FKBP9: variants seen among roughly 807,000 people sequenced by gnomAD.
The protein encoded by FKBP9 is peptidyl-prolyl cis-trans isomerase FKBP9.
A neutral mutation model predicts 55.6 loss-of-function variants in FKBP9; 27 were observed. The ratio of observed to expected loss-of-function variants is 0.49; its 90% CI spans 0.36 to 0.67. The LOEUF is 0.67. FKBP9 is among the 30% of genes least tolerant of loss of function. The pLI, the probability that FKBP9 is intolerant of heterozygous loss-of-function variation, is 0.00. For missense variants in FKBP9, 539 were observed against 742.8 expected (o/e 0.73, Z 3.19); for synonymous variants, 267 against 296.5 (o/e 0.90, Z 1.02).
At chr7:32,974,025 A>AT (rs1784307539) in intron 1 of FKBP9, among the ~76,000 whole-genome samples, 1 of 151,356 alleles carries the variant, frequency 6.6e-6, no homozygotes, top group South Asian at 2.1e-4. Flanking sequence ...ATTTTATTTT[A>AT]TTTTTTGAGA....
At chr7:32,992,155 G>C (rs1391196990) in intron 6 of FKBP9, among the ~76,000 whole-genome samples, 1 of 152,060 alleles carries the variant, frequency 6.6e-6, no homozygotes. Flanking sequence ...GGAGAACCGA[G>C]ACCTCAAACC....
At position 33,006,674 on chromosome 7, in the gene FKBP9, A is replaced by G. The variant is rs899358402; in HGVS notation, c.*1323A>G. ...AGAGGCCAGCTGCCGCAAGACAGCA[A>G]TGACAGTCCACCTGCCGACCTGATT... On this transcript the variant is annotated 3_prime_UTR_variant, in exon 10 of 10. Transcript: ENST00000242209. 9.2e-6 allele frequency: 2 copies of G among 217,138 alleles called. No homozygotes were observed. The highest frequency in any genetic ancestry group is 1.3e-4 in the East Asian group (2 of 14,944). 13.5% of individuals were successfully genotyped at this position (217,138 alleles called of 1,614,324 possible).
chr7:32,989,625 TG>T (rs1240455708), intron 6 of FKBP9, among the ~76,000 whole-genome samples: 2 of 152,142 alleles, frequency 1.3e-5, no homozygotes, highest in Non-Finnish European at 2.9e-5. Flanking sequence ...TTCACTATGT[TG>T]GCCAGGCTAG....
At chr7:32,958,967 C>CT (rs1223345328) in intron 1 of FKBP9, among the ~76,000 whole-genome samples, 1 of 152,130 alleles carries the variant, frequency 6.6e-6, no homozygotes, top group Non-Finnish European at 1.5e-5. Context: ...GCCCCAAGGC[C>CT]TAGGGTCATT....
chr7:32,990,330 T>C (rs1195753346), intron 6 of FKBP9, among the ~76,000 whole-genome samples: 5 of 152,168 alleles, frequency 3.3e-5, no homozygotes, highest in Non-Finnish European at 5.9e-5. Context: ...GGAATGAAGG[T>C]GGCCCCGAGA....
intron 1 of FKBP9, among the ~76,000 whole-genome samples, chr7:32,965,783 G>A (rs1423213041): frequency 5.6e-5 from 6 of 107,022 alleles, no homozygotes; most frequent in African/African-American, 1.9e-4. Flanking sequence ...GGGCAACAGA[G>A]CGAGACTCCA....
At chr7:32,968,719 T>C (rs191227870) in intron 1 of FKBP9, among the ~76,000 whole-genome samples, 1 of 152,178 alleles carries the variant, frequency 6.6e-6, no homozygotes, top group African/African-American at 2.4e-5. Flanking sequence ...ACTACAGGCA[T>C]ATGCCACCAT....
chr7:32,957,591 G>C lies in FKBP9; in HGVS notation c.18G>C (p.Trp6Cys). The C allele has an allele frequency of 6.8e-7, 1 of 1,472,776 alleles. No individual in the cohort carries two copies. The highest frequency in any genetic ancestry group is 8.9e-7 in the Non-Finnish European group (1 of 1,121,082). The allele number at this position is 1,472,776 out of a possible 1,614,324, so 91.2% of individuals were successfully genotyped here. A position where few individuals can be genotyped will look rare whatever the true frequency, so the allele number is the denominator to read the frequency against. Residue 6 changes from tryptophan (W) to cysteine (C), a missense_variant, in exon 1 of 10, where the codon TGG (tryptophan) becomes TGC (cysteine). Trp to Cys is a radical substitution (Grantham distance 215, BLOSUM62 -2). Around this residue, in one of 4 missense-constraint regions of FKBP9, gnomAD observed 236 missense variants for 271.5 expected, o/e 0.87. Coordinates refer to ENST00000242209, the MANE Select transcript of FKBP9 (RefSeq NM_007270.5). MAFRG[W>C]RPPPPPLLLL... is the part of the protein sequence containing the mutation. ...CCGCCCCGATGGCGTTCCGGGGCTG[G>C]AGGCCCCCGCCGCCACCGCTGCTCC...
In FKBP9 at chr7:32,957,444, C is replaced by G. The variant is rs542003275; in HGVS notation, c.-130C>G. 2.8e-3 allele frequency: 1,728 copies of G among 627,848 alleles called. 23 individuals are homozygous for G. The African/African-American group carries it at 0.028, about 10-fold the overall frequency. 38.9% of individuals were successfully genotyped at this position (627,848 alleles called of 1,614,324 possible). A position where few individuals can be genotyped will look rare whatever the true frequency, so the allele number is the denominator to read the frequency against. The stretch of plus-strand genomic sequence containing the variant: ...CCGGGAGGGCGGGCGGCCGGGGAGA[C>G]GGGGTGGCGGCTGCAGCCCGGGTAG... On this transcript the variant is annotated 5_prime_UTR_variant, in exon 1 of 10. Coordinates refer to ENST00000242209, the MANE Select transcript of FKBP9 (RefSeq NM_007270.5).
At chr7:33,003,573 A>G (rs1019802854) in intron 9 of FKBP9, among the ~76,000 whole-genome samples, 1 of 151,934 alleles carries the variant, frequency 6.6e-6, no homozygotes, top group Non-Finnish European at 1.5e-5. Flanking sequence ...TTGTCCCTCT[A>G]TGCCTCTGAG....
intron 5 of FKBP9, among the ~76,000 whole-genome samples, chr7:32,985,178 CT>C (rs1444286814): frequency 3.1e-3 from 344 of 111,432 alleles, no homozygotes; most frequent in African/African-American, 4.8e-3. Context: ...TTCTTTCTTT[CT>C]TTTTTTTTTT....
chr7:32,969,966 C>G (rs756413614), intron 1 of FKBP9, among the ~76,000 whole-genome samples: 1 of 151,866 alleles, frequency 6.6e-6, no homozygotes, highest in Middle Eastern at 3.2e-3. Context: ...CACCACTGCA[C>G]TCTAGCCTGG....
At chr7:32,976,197 G>T (rs1242316393) in intron 3 of FKBP9, among the ~76,000 whole-genome samples, 157 bp from the exon 4 acceptor site, 1 of 152,202 alleles carries the variant, frequency 6.6e-6, no homozygotes, top group Non-Finnish European at 1.5e-5. Context: ...GAGGACATCT[G>T]CCCTGTGTTT....
At chr7:32,991,915 T>A (rs1026841115) in intron 6 of FKBP9, among the ~76,000 whole-genome samples, 2 of 151,990 alleles carry the variant, frequency 1.3e-5, no homozygotes, top group African/African-American at 4.8e-5. Flanking sequence ...TGTCTGGGAC[T>A]TCTTGCACAT....
rs1318439623 is a variant in FKBP9, at chr7:32,975,678, G to A, written c.557+307G>A. Among the ~76,000 whole-genome samples, 4 of 146,704 alleles carry A rather than the reference G, an allele frequency of 2.7e-5. No individual in the cohort carries two copies. In the East Asian group the frequency reaches 6.0e-4, roughly 22 times the overall value. On this transcript the variant is annotated intron_variant, in intron 3 of 9. Coordinates refer to ENST00000242209, the MANE Select transcript of FKBP9 (RefSeq NM_007270.5). ...TTTTTTTTTTTTGAGATGGATTCTC[G>A]CCCTGTCACCCAGGCTGGAGTACAG...
At chr7:32,961,576 A>G (rs1327978764) in intron 1 of FKBP9, among the ~76,000 whole-genome samples, 1 of 152,154 alleles carries the variant, frequency 6.6e-6, no homozygotes, top group African/African-American at 2.4e-5. Flanking sequence ...GGGGTCCCTA[A>G]CCCCTGAGCC....
intron 3 of FKBP9, among the ~76,000 whole-genome samples, chr7:32,976,106 G>A (rs1297387692): frequency 6.6e-6 from 1 of 152,216 alleles, no homozygotes; most frequent in East Asian, 1.9e-4. Flanking sequence ...TCTCATTAGA[G>A]CGTGTTTGAT....
At chr7:32,979,255 C>T (rs545502883) in intron 4 of FKBP9, among the ~76,000 whole-genome samples, 6 of 151,512 alleles carry the variant, frequency 4.0e-5, no homozygotes, top group East Asian at 3.9e-4. Flanking sequence ...GGCAACAGAG[C>T]GAGACTCCGT....
At chr7:33,003,280 C>G (rs1267517170) in intron 9 of FKBP9, among the ~76,000 whole-genome samples, 1 of 152,132 alleles carries the variant, frequency 6.6e-6, no homozygotes, top group East Asian at 1.9e-4. Context: ...GCAATAGAAC[C>G]ATCTGTTCTG....
Sources: allele counts gnomAD v4.1 joint callset (sites outside exome capture counted in the v4.1 genomes callset), GRCh38; gene constraint gnomAD v4.1.1; regional missense constraint gnomAD v4.1.1; transcripts MANE v1.5; gene names NCBI Gene and HGNC (gene_info 2026-07-23, HGNC 2026-07-21).